CNTN3: variants seen among roughly 807,000 people sequenced by gnomAD.
CNTN3 encodes the protein contactin 3.
CNTN3 carries 60 observed loss-of-function variants against 119.1 expected under a neutral mutation model. The ratio of observed to expected loss-of-function variants is 0.50; its 90% CI spans 0.41 to 0.62. CNTN3 has a LOEUF of 0.62. CNTN3 is among the 20% of genes least tolerant of loss of function. CNTN3 has a pLI of 0.00. For synonymous variants in CNTN3, 450 were observed against 438.7 expected (o/e 1.03, Z -0.32); for missense variants, 1,101 against 1,242.4 (o/e 0.89, Z 1.71).
intron 3 of CNTN3, among the ~76,000 whole-genome samples, chr3:74,492,078 A>G (rs1377407977): frequency 6.6e-6 from 1 of 152,186 alleles, no homozygotes; most frequent in East Asian, 1.9e-4. Context: ...ACACTGTTGC[A>G]TAATTATCAT....
chr3:74,279,479 C>T (rs559629971), intron 20 of CNTN3, among the ~76,000 whole-genome samples: 44 of 152,144 alleles, frequency 2.9e-4, no homozygotes, highest in African/African-American at 1.0e-3. Context: ...AATGAATTAA[C>T]GGCATTCACA....
chr3:74,404,979 T>C (rs1363510623), intron 5 of CNTN3, among the ~76,000 whole-genome samples: 5 of 151,842 alleles, frequency 3.3e-5, no homozygotes, highest in African/African-American at 9.7e-5. Flanking sequence ...AAAATCTCCA[T>C]AGACCAAAAT....
At chr3:74,555,730 T>C (rs914686284) in intron 1 of CNTN3, among the ~76,000 whole-genome samples, 4 of 152,222 alleles carry the variant, frequency 2.6e-5, no homozygotes, top group East Asian at 1.9e-4. Context: ...CTGATGGTAG[T>C]TGGTATTTCC....
chr3:74,271,705 T>C (rs1321285255), intron 20 of CNTN3, among the ~76,000 whole-genome samples: 1 of 152,194 alleles, frequency 6.6e-6, no homozygotes, highest in East Asian at 1.9e-4. Context: ...CGCTTTGCAC[T>C]TGGACTTCAC....
intron 11 of CNTN3, among the ~76,000 whole-genome samples, chr3:74,344,618 C>T (rs976583276): frequency 2.0e-5 from 3 of 151,646 alleles, no homozygotes; most frequent in African/African-American, 7.3e-5. Flanking sequence ...ACACCACGCC[C>T]AGCTAATTTC....
chr3:74,591,883 G>C (rs916906324), intron 1 of CNTN3, among the ~76,000 whole-genome samples: 16 of 151,872 alleles, frequency 1.1e-4, no homozygotes, highest in Non-Finnish European at 1.9e-4. Context: ...AGGAAGACAG[G>C]ATAGATAATC....
chr3:74,390,752 C>T (rs953739430), intron 5 of CNTN3, among the ~76,000 whole-genome samples: 1 of 152,066 alleles, frequency 6.6e-6, no homozygotes, highest in African/African-American at 2.4e-5. Flanking sequence ...GATGCTTCCC[C>T]AACACAAATT....
At position 74,492,878 on chromosome 3, in the gene CNTN3, C is replaced by T. The variant is rs530019720; in HGVS notation, c.183-6247G>A. Among the ~76,000 whole-genome samples, 13 of 152,156 alleles carry T rather than the reference C, an allele frequency of 8.5e-5. No homozygotes were observed. In the South Asian group the frequency reaches 2.3e-3, roughly 27 times the overall value. On this transcript the variant is annotated intron_variant, in intron 3 of 22. Coordinates refer to ENST00000263665, the MANE Select transcript of CNTN3 (RefSeq NM_020872.3). Reference sequence around the variant, plus strand: ...AGGTGCTTTTCAAAGTATGTAAACTCCACTGGATAATGACTATTTCAATCA... The same window carrying T: ...AGGTGCTTTTCAAAGTATGTAAACTTCACTGGATAATGACTATTTCAATCA...
chr3:74,468,306 C>T (rs747176568), intron 4 of CNTN3, among the ~76,000 whole-genome samples: 5 of 152,126 alleles, frequency 3.3e-5, no homozygotes, highest in South Asian at 2.1e-4. Context: ...ATGCTTCTTA[C>T]GGCTGGTAAC....
At chr3:74,308,138 G>A (rs752068594) in intron 13 of CNTN3, among the ~76,000 whole-genome samples, 3 of 152,124 alleles carry the variant, frequency 2.0e-5, no homozygotes, top group Non-Finnish European at 4.4e-5. Flanking sequence ...GCCCACCTCT[G>A]CATTTTTGAC....
At chr3:74,443,482 C>CGCCCCTCCCCTCCTTCAG (rs1259893974) in intron 4 of CNTN3, among the ~76,000 whole-genome samples, 12 of 152,270 alleles carry the variant, frequency 7.9e-5, no homozygotes, top group Non-Finnish European at 1.6e-4. Flanking sequence ...CCTTCAGTGG[C>CGCCCCTCCCCTCCTTCAG]TGCCCACCAG....
At chr3:74,462,028 A>G (rs902927260) in intron 4 of CNTN3, among the ~76,000 whole-genome samples, 1 of 152,086 alleles carries the variant, frequency 6.6e-6, no homozygotes, top group Non-Finnish European at 1.5e-5. Context: ...TCGATCCCTC[A>G]TGAATAGTTT....
At chr3:74,461,703 A>G (rs1266681151) in intron 4 of CNTN3, among the ~76,000 whole-genome samples, 1 of 152,130 alleles carries the variant, frequency 6.6e-6, no homozygotes, top group East Asian at 1.9e-4. Context: ...TAGTTACAGT[A>G]TCAGACAATA....
intron 1 of CNTN3, among the ~76,000 whole-genome samples, chr3:74,552,713 G>T (rs1704009785): frequency 6.6e-6 from 1 of 152,158 alleles, no homozygotes; most frequent in Non-Finnish European, 1.5e-5. Context: ...TACAAAAGGG[G>T]AGTTGACTGG....
chr3:74,513,720 G>A (rs950956676), intron 2 of CNTN3, among the ~76,000 whole-genome samples: 1 of 151,950 alleles, frequency 6.6e-6, no homozygotes, highest in African/African-American at 2.4e-5. Context: ...GCCCAGGTCA[G>A]CCTGTGCAAA....
chr3:74,529,320 C>A (rs561917792), intron 1 of CNTN3, among the ~76,000 whole-genome samples: 6 of 151,898 alleles, frequency 4.0e-5, no homozygotes, highest in Non-Finnish European at 7.4e-5. Flanking sequence ...GAGCTCAACA[C>A]GTGGCACTGA....
intron 11 of CNTN3, among the ~76,000 whole-genome samples, chr3:74,359,819 T>C (rs961754371): frequency 5.7e-5 from 8 of 141,434 alleles, no homozygotes; most frequent in South Asian, 2.3e-4. Context: ...ATTTAATTCA[T>C]GTATATTATT....
At chr3:74,374,329 T>C (rs1409536453) in intron 5 of CNTN3, among the ~76,000 whole-genome samples, 1 of 152,040 alleles carries the variant, frequency 6.6e-6, no homozygotes, top group Non-Finnish European at 1.5e-5. Flanking sequence ...TTTTTATAAG[T>C]CTGATCCTTT....
intron 1 of CNTN3, among the ~76,000 whole-genome samples, chr3:74,527,885 T>C (rs961294979): frequency 6.6e-6 from 1 of 151,956 alleles, no homozygotes; most frequent in African/African-American, 2.4e-5. Context: ...GTTGCAGGAT[T>C]TTGAAAGCAA....
Sources: gnomAD v4.1 joint callset for allele counts (sites outside exome capture counted in the v4.1 genomes callset) on GRCh38, gnomAD v4.1.1 for gene constraint, MANE v1.5 for transcripts, NCBI Gene and HGNC (gene_info 2026-07-23, HGNC 2026-07-21) for gene names.